Variants in JMJD1C observed in about 807,000 individuals in gnomAD.
JMJD1C encodes the protein jumonji domain containing 1C, also known as jumonji domain-containing protein 1C.
Under a neutral mutation model 245.3 loss-of-function variants are expected in JMJD1C, and 31 were observed. The observed-to-expected ratio is 0.13, with a 90% CI of 0.09 to 0.17. JMJD1C has a LOEUF of 0.17. Ranked by LOEUF, JMJD1C falls within the 10% of genes least tolerant of loss-of-function variation. JMJD1C has a pLI of 1.00. For synonymous variants in JMJD1C, 1,057 were observed against 1,017.4 expected (o/e 1.04, Z -0.74); for missense variants, 2,691 against 3,000.2 (o/e 0.90, Z 2.41).
chr10:63,438,526 G>A (rs1262418462), intron 1 of JMJD1C, among the ~76,000 whole-genome samples: 6 of 152,048 alleles, frequency 3.9e-5, no homozygotes, highest in African/African-American at 7.2e-5. Context: ...CCTCGTTCAT[G>A]CCTTCCCATC....
chr10:63,254,848 T>C (rs905626541), intron 3 of JMJD1C, among the ~76,000 whole-genome samples: 13 of 149,568 alleles, frequency 8.7e-5, no homozygotes, highest in Non-Finnish European at 5.9e-5. Flanking sequence ...CTATGCAGCA[T>C]AGCTCCCCCC....
intron 10 of JMJD1C, among the ~76,000 whole-genome samples, chr10:63,205,312 G>A (rs1162647717): frequency 1.3e-5 from 2 of 152,084 alleles, no homozygotes; most frequent in African/African-American, 4.8e-5. Flanking sequence ...TTCCAATTTT[G>A]TCACCAGATG....
In JMJD1C at chr10:63,380,359, T is replaced by C; in HGVS notation, c.292A>G (p.Thr98Ala). The C allele has an allele frequency of 6.2e-7, 1 of 1,614,008 alleles. No individual in the cohort carries two copies. The highest frequency in any genetic ancestry group is 1.1e-5 in the South Asian group (1 of 91,074). ...ATCTGTTTGCTCTTTGATCCCTGAG[T>C]CTGGCTAGGGTCATTCCTTTTGGCC... is the stretch of plus-strand genomic sequence containing the variant. Reference protein sequence around the residue: ...IWAKRNDPSQTQGSKSKQIQW... With the variant: ...IWAKRNDPSQAQGSKSKQIQW... Residue 98 changes from threonine (T) to alanine (A), a missense_variant, in exon 2 of 26, where the codon ACT (threonine) becomes GCT (alanine). By Grantham distance (58) the Thr-to-Ala change is moderately conservative. Around this residue, in one of 9 missense-constraint regions of JMJD1C, gnomAD observed 172 missense variants for 240.8 expected, o/e 0.71. Coordinates refer to ENST00000399262, the MANE Select transcript of JMJD1C (RefSeq NM_032776.3).
At chr10:63,350,465 A>C (rs906975726) in intron 2 of JMJD1C, among the ~76,000 whole-genome samples, 1 of 152,214 alleles carries the variant, frequency 6.6e-6, no homozygotes, top group Non-Finnish European at 1.5e-5. Context: ...AATTCGTTGA[A>C]GGATTTTATA....
chr10:63,220,816 T>G (rs527270662), intron 3 of JMJD1C, among the ~76,000 whole-genome samples: 4 of 151,930 alleles, frequency 2.6e-5, no homozygotes, highest in African/African-American at 7.3e-5. Context: ...ATTTTTAAAG[T>G]GGACAGGCAG....
intron 21 of JMJD1C, 149 bp from the exon 22 acceptor site, chr10:63,183,718 CA>C (rs1843752453): frequency 2.2e-6 from 1 of 460,946 alleles, no homozygotes; most frequent in Admixed American, 4.0e-5. Flanking sequence ...CCAAAAGCCA[CA>C]ATCTATAAAA....
upstream of JMJD1C, among the ~76,000 whole-genome samples, chr10:63,468,683 G>A (rs533844338): frequency 4.6e-5 from 7 of 152,212 alleles, no homozygotes; most frequent in Non-Finnish European, 8.8e-5. Context: ...CCATCCCCAC[G>A]TGTAAATATG....
At chr10:63,389,311 CAAA>C (rs1185397734) in intron 1 of JMJD1C, among the ~76,000 whole-genome samples, 1 of 64,626 alleles carries the variant, frequency 1.5e-5, no homozygotes, top group Non-Finnish European at 2.8e-5. Flanking sequence ...GACCCTGTCT[CAAA>C]AAAAAAAAAA....
At chr10:63,434,705 C>T (rs1449410435) in intron 1 of JMJD1C, among the ~76,000 whole-genome samples, 1 of 151,786 alleles carries the variant, frequency 6.6e-6, no homozygotes. Flanking sequence ...AAAGTCAGAG[C>T]GCATCTATTA....
intron 1 of JMJD1C, among the ~76,000 whole-genome samples, chr10:63,493,468 G>C (rs7086263): frequency 0.058 from 8,872 of 151,782 alleles, 431 homozygotes; most frequent in African/African-American, 0.13. Context: ...TTTTAATAGA[G>C]ACAGGGTTTC....
chr10:63,173,912 A>G (rs1218452744), intron 24 of JMJD1C, among the ~76,000 whole-genome samples: 1 of 152,244 alleles, frequency 6.6e-6, no homozygotes, highest in Non-Finnish European at 1.5e-5. Context: ...CAAAGTAGAT[A>G]TACAGATGGC....
chr10:63,190,804 G>A, intron 17 of JMJD1C, 90 bp downstream of exon 17: 1 of 895,528 alleles, frequency 1.1e-6, no homozygotes, highest in Non-Finnish European at 1.8e-6. Flanking sequence ...GATTTCATCA[G>A]CATACTGGGT....
intron 2 of JMJD1C, among the ~76,000 whole-genome samples, chr10:63,332,215 C>A (rs911337289): frequency 9.9e-5 from 15 of 152,058 alleles, no homozygotes; most frequent in African/African-American, 3.4e-4. Flanking sequence ...ATATGACTCC[C>A]ACAAGAAAAT....
In JMJD1C at chr10:63,215,635, A is replaced by C. The variant is rs1181610273; in HGVS notation, c.740T>G (p.Val247Gly). 2.0e-5 allele frequency: 33 copies of C among 1,610,476 alleles called. No homozygotes were observed. The highest frequency in any genetic ancestry group is 2.5e-5 in the Non-Finnish European group (30 of 1,176,950). ...MVQMTFLDDVVHSLLKGENIG... is the reference protein window; with the variant it reads ...MVQMTFLDDVGHSLLKGENIG... ...ATTTTCACCTTTTAACAAAGAGTGA[A>C]CAACATCATCTAGAAAGGTCATTTG... The change falls in exon 6 of 26, where the codon GTT becomes GGT. Residue 247 changes from valine (V) to glycine (G), a missense_variant. This residue lies in a region of JMJD1C where 172 missense variants were observed against 240.8 expected (regional missense o/e 0.71). Transcript: ENST00000399262.
chr10:63,212,773 A>G (rs890457712), intron 8 of JMJD1C, among the ~76,000 whole-genome samples: 1 of 151,872 alleles, frequency 6.6e-6, no homozygotes, highest in African/African-American at 2.4e-5. Context: ...AATTTTATAA[A>G]AATTTTAGAA....
rs779799691 is a variant in JMJD1C, at chr10:63,176,323, C to A, written c.7375G>T (p.Val2459Phe). The change falls in exon 24 of 26, where the codon GTT (valine) becomes TTT (phenylalanine). Residue 2459 changes from valine (V) to phenylalanine (F), a missense_variant. Physicochemically the swap from Val to Phe is conservative, Grantham distance 50 (BLOSUM62 -1). Around this residue, in one of 9 missense-constraint regions of JMJD1C, gnomAD observed 232 missense variants for 416.1 expected, o/e 0.56. Transcript: ENST00000399262. ...TLIQFLGDAI[V>F]LPAGALHQVQ... Reference sequence around the variant, plus strand: ...TGATGAAGTGCTCCCGCTGGCAAAACAATAGCATCACCAAGGAACTGAATA... The same window carrying A: ...TGATGAAGTGCTCCCGCTGGCAAAAAAATAGCATCACCAAGGAACTGAATA... 1.9e-6 allele frequency: 3 copies of A among 1,613,026 alleles called. No individual in the cohort carries two copies. The South Asian group carries it at 3.3e-5, about 18-fold the overall frequency.
At chr10:63,507,072 T>C (rs1025926083) in intron 1 of JMJD1C, among the ~76,000 whole-genome samples, 1 of 152,208 alleles carries the variant, frequency 6.6e-6, no homozygotes, top group Non-Finnish European at 1.5e-5. Context: ...TTCAGGTTCC[T>C]CCATGTCTCT....
chr10:63,313,490 G>T (rs906964568), intron 2 of JMJD1C, among the ~76,000 whole-genome samples: 4 of 152,136 alleles, frequency 2.6e-5, no homozygotes, highest in Admixed American at 2.6e-4. Flanking sequence ...CCACTACTGG[G>T]TATGGTACTT....
At position 63,206,767 on chromosome 10, in the gene JMJD1C, A is replaced by G. The variant is rs759973661; in HGVS notation, c.4902T>C (p.Ser1634=). Residue 1634 remains serine, a synonymous_variant, in exon 10 of 26, where the codon AGT becomes AGC. Coordinates refer to ENST00000399262, the MANE Select transcript of JMJD1C (RefSeq NM_032776.3). ...SGSESGDSDE[S]ESKSEQRTKR... ...TAGTCCTTTGCTCTGACTTGCTTTC[A>G]CTTTCATCTGAGTCTCCACTTTCAG... The G allele has an allele frequency of 6.2e-7, 1 of 1,610,886 alleles. No homozygotes were observed.
Sources: allele counts gnomAD v4.1 joint callset (sites outside exome capture counted in the v4.1 genomes callset), GRCh38; gene constraint gnomAD v4.1.1; regional missense constraint gnomAD v4.1.1; transcripts MANE v1.5; gene names NCBI Gene and HGNC (gene_info 2026-07-23, HGNC 2026-07-21).